Variants in BRAF observed in about 807,000 individuals in gnomAD.
BRAF encodes serine/threonine-protein kinase B-raf.
A neutral mutation model predicts 104.6 loss-of-function variants in BRAF; 16 were observed. That is an observed-to-expected ratio of 0.15 (90% CI 0.10 to 0.23). BRAF has a LOEUF of 0.23. BRAF is among the 10% of genes least tolerant of loss of function. The pLI, the probability that BRAF is intolerant of heterozygous loss-of-function variation, is 1.00. For missense variants in BRAF, 541 were observed against 937.3 expected (o/e 0.58, Z 5.52); for synonymous variants, 310 against 341.6 (o/e 0.91, Z 1.02).
chr7:140,863,199 AT>A (rs571182546), intron 1 of BRAF, among the ~76,000 whole-genome samples: 1 of 152,154 alleles, frequency 6.6e-6, no homozygotes, highest in Non-Finnish European at 1.5e-5. Flanking sequence ...AAAAAAACTG[AT>A]TTTTTAAGGC....
intron 1 of BRAF, among the ~76,000 whole-genome samples, chr7:140,859,888 C>G (rs1324607511): frequency 6.6e-6 from 1 of 152,084 alleles, no homozygotes; most frequent in African/African-American, 2.4e-5. Flanking sequence ...AGGATTTCAC[C>G]ATATTGGCCA....
At chr7:140,736,073 T>C (rs1298104752) in intron 18 of BRAF, among the ~76,000 whole-genome samples, 2 of 134,956 alleles carry the variant, frequency 1.5e-5, no homozygotes, top group African/African-American at 2.9e-5. Flanking sequence ...CTTCTGTACC[T>C]TTTTTTTTTT....
chr7:140,803,793 A>G (rs1377387144), intron 5 of BRAF, among the ~76,000 whole-genome samples: 1 of 152,218 alleles, frequency 6.6e-6, no homozygotes, highest in Non-Finnish European at 1.5e-5. Context: ...TTTAGTGTAT[A>G]TAATAATAAG....
chr7:140,734,787 A>T lies in BRAF; in HGVS notation c.2248-17T>A. The T allele has an allele frequency of 4.9e-6, 7 of 1,421,024 alleles. No individual in the cohort carries two copies. Among genetic ancestry groups the T allele is most frequent in the Non-Finnish European group, 6.4e-6 (7 of 1,089,646 alleles). 88.0% of individuals were successfully genotyped at this position (1,421,024 alleles called of 1,614,324 possible). A position where few individuals can be genotyped will look rare whatever the true frequency, so the allele number is the denominator to read the frequency against. On this transcript the variant is annotated splice_polypyrimidine_tract_variant and intron_variant, in intron 18 of 19. Transcript: ENST00000644969. ...GGCGAGAATCTACAAAAAAAAAAAGAAAAAAAAAAGAAAAAAAAAGAAAAA... is the reference window on the plus strand; with the variant it reads ...GGCGAGAATCTACAAAAAAAAAAAGTAAAAAAAAAGAAAAAAAAAGAAAAA...
intron 1 of BRAF, among the ~76,000 whole-genome samples, chr7:140,905,959 G>A (rs982500191): frequency 6.8e-6 from 1 of 147,962 alleles, no homozygotes; most frequent in Non-Finnish European, 1.5e-5. Context: ...GTAGTGGCGG[G>A]CGCCTGTAGT....
chr7:140,922,856 G>A (rs1818373510), intron 1 of BRAF, among the ~76,000 whole-genome samples: 1 of 152,114 alleles, frequency 6.6e-6, no homozygotes. Flanking sequence ...AGTACCAAAA[G>A]CCAGGAAACA....
At chr7:140,728,522 A>C (rs1488794890) in intron 19 of BRAF, among the ~76,000 whole-genome samples, 1 of 151,248 alleles carries the variant, frequency 6.6e-6, no homozygotes, top group Non-Finnish European at 1.5e-5. Context: ...TTTAAAGTTA[A>C]GAGGATTGGG....
intron 17 of BRAF, among the ~76,000 whole-genome samples, chr7:140,743,146 T>C (rs370574588): frequency 2.0e-5 from 3 of 151,366 alleles, no homozygotes; most frequent in Admixed American, 6.6e-5. Context: ...TAGTTCAACC[T>C]TTGTGGAAGT....
intron 1 of BRAF, among the ~76,000 whole-genome samples, chr7:140,875,866 C>A (rs1443598388): frequency 2.6e-5 from 4 of 152,176 alleles, no homozygotes; most frequent in African/African-American, 9.7e-5. Flanking sequence ...TCAGAGCAAT[C>A]ATAAAACAAA....
At chr7:140,729,149 C>T (rs1238762982) in intron 19 of BRAF, among the ~76,000 whole-genome samples, 1 of 151,468 alleles carries the variant, frequency 6.6e-6, no homozygotes, top group Non-Finnish European at 1.5e-5. Context: ...GTGGGAGGAT[C>T]ACTTGAGACC....
chr7:140,815,025 CAG>C (rs1306451520), intron 3 of BRAF, among the ~76,000 whole-genome samples: 1 of 151,616 alleles, frequency 6.6e-6, no homozygotes, highest in Non-Finnish European at 1.5e-5. Context: ...TAAACTGGCA[CAG>C]AATATACATG....
intron 18 of BRAF, among the ~76,000 whole-genome samples, chr7:140,739,002 T>C (rs912414287): frequency 6.6e-6 from 1 of 151,246 alleles, no homozygotes; most frequent in Non-Finnish European, 1.5e-5. Context: ...TATCAAGAAT[T>C]AGGTAAAGGC....
chr7:140,895,745 CA>C (rs1419265782), intron 1 of BRAF, among the ~76,000 whole-genome samples: 1 of 152,194 alleles, frequency 6.6e-6, no homozygotes, highest in African/African-American at 2.4e-5. Flanking sequence ...CATGTTGCTG[CA>C]AATGACAGGA....
chr7:140,789,949 T>TG (rs1184701598), intron 8 of BRAF, among the ~76,000 whole-genome samples: 1 of 152,178 alleles, frequency 6.6e-6, no homozygotes, highest in Non-Finnish European at 1.5e-5. Context: ...AGGCTGGTCT[T>TG]GAACTCCTGA....
At chr7:140,783,258 G>A in intron 10 of BRAF, 101 bp from the exon 10 acceptor site, 1 of 1,418,562 alleles carries the variant, frequency 7.0e-7, no homozygotes. Context: ...ATTTTAAAAT[G>A]TAGTGCATGT....
chr7:140,721,282 A>G lies in BRAF; in HGVS notation c.*5212T>C, dbSNP rs1018217739. On this transcript the variant is annotated 3_prime_UTR_variant, in exon 20 of 20. Coordinates refer to ENST00000644969, the MANE Select transcript of BRAF (RefSeq NM_001374258.1). The stretch of plus-strand genomic sequence containing the variant: ...TTAGTCACTCATTGAGTTGCCGACT[A>G]ATTGCCCCATGCATTTTTTTTTTTT... 1.4e-5 allele frequency: 16 copies of G among 1,147,268 alleles called. No homozygotes were observed. The highest frequency in any genetic ancestry group is 1.7e-5 in the Non-Finnish European group (16 of 935,068). 71.1% of individuals were successfully genotyped at this position (1,147,268 alleles called of 1,614,324 possible).
At position 140,726,198 on chromosome 7, in the gene BRAF, C is replaced by T; in HGVS notation, c.*296G>A. On this transcript the variant is annotated 3_prime_UTR_variant, in exon 20 of 20. Coordinates refer to ENST00000644969, the MANE Select transcript of BRAF (RefSeq NM_001374258.1). Reference sequence around the variant, plus strand: ...GTAGCAGCAGTTTCTTTCCATCATGCCTGACCATCAAAAGGTCAGAATTCA... The same window carrying T: ...GTAGCAGCAGTTTCTTTCCATCATGTCTGACCATCAAAAGGTCAGAATTCA... 1 of 1,232,436 alleles carries T rather than the reference C, an allele frequency of 8.1e-7. No homozygotes were observed. The highest frequency in any genetic ancestry group is 1.0e-6 in the Non-Finnish European group (1 of 985,416). 76.3% of individuals were successfully genotyped at this position (1,232,436 alleles called of 1,614,324 possible). A position where few individuals can be genotyped will look rare whatever the true frequency, so the allele number is the denominator to read the frequency against.
intron 18 of BRAF, among the ~76,000 whole-genome samples, chr7:140,736,602 T>C (rs1161006503): frequency 2.0e-5 from 3 of 151,652 alleles, no homozygotes; most frequent in Non-Finnish European, 4.4e-5. Flanking sequence ...TAATTTTGTA[T>C]TCTTAGTAGA....
intron 1 of BRAF, among the ~76,000 whole-genome samples, chr7:140,892,255 CA>C (rs563291402): frequency 1.3e-3 from 181 of 143,486 alleles, no homozygotes; most frequent in Non-Finnish European, 9.7e-4. Context: ...GAATCTGTGT[CA>C]AAAAAAAAAA....
Sources: gnomAD v4.1 joint callset for allele counts (sites outside exome capture counted in the v4.1 genomes callset) on GRCh38, gnomAD v4.1.1 for gene constraint, MANE v1.5 for transcripts, NCBI Gene and HGNC (gene_info 2026-07-23, HGNC 2026-07-21) for gene names.